Variants in RALYL observed in about 807,000 individuals in gnomAD.
The protein encoded by RALYL is RNA-binding Raly-like protein.
A neutral mutation model predicts 35.1 loss-of-function variants in RALYL; 29 were observed. That is an observed-to-expected ratio of 0.83 (90% CI 0.61 to 1.13). The LOEUF (loss-of-function observed/expected upper bound fraction) is 1.13, where lower values mean the gene tolerates loss of function less well. Ranked by LOEUF, RALYL falls within the 50% of genes most tolerant of loss-of-function variation. The probability of loss-of-function intolerance (pLI) is 0.00; values close to 1 mark genes in which losing one functional copy is unlikely to be tolerated. For missense variants in RALYL, 359 were observed against 360.4 expected, an observed-to-expected ratio of 1.00 and a Z score of 0.03; for synonymous variants, 120 against 127.6, an observed-to-expected ratio of 0.94 and a Z score of 0.40.
rs543923378 is a variant in RALYL at position 84,329,217 on chromosome 8, C to T, written c.-24+144793C>T. 1.0e-3 allele frequency among the ~76,000 whole-genome samples: 156 copies of T among 152,204 alleles called. 3 individuals are homozygous for T. Among genetic ancestry groups the T allele is most frequent in the Admixed American group, 0.01 (154 of 15,270 alleles). ...ACAGTAGCTGACCTAATTTACATTC[C>T]CACCAACAGTATGTAAGCATTTCTT... On this transcript the variant is annotated intron_variant, in intron 1 of 8. Transcript: ENST00000521268.
At chr8:84,784,486 T>C (rs1696520959) in intron 3 of RALYL, among the ~76,000 whole-genome samples, 1 of 152,214 alleles carries the variant, frequency 6.6e-6, no homozygotes, top group South Asian at 2.1e-4. Flanking sequence ...TGTAAAAATG[T>C]ATTTTTCCCT....
chr8:84,764,662 T>C (rs1427062707), intron 2 of RALYL, among the ~76,000 whole-genome samples: 1 of 152,214 alleles, frequency 6.6e-6, no homozygotes, highest in African/African-American at 2.4e-5. Context: ...ATTAGCATTC[T>C]AATAACCAGA....
rs566191145 is a variant in RALYL, at chr8:84,514,848, A to G, written c.-23-14451A>G. ...CCAGTAATAGGTTTTTGCAGGTGCTAGTATTATTAAAGATGAGAAAGTCCT... is the reference window on the plus strand; with the variant it reads ...CCAGTAATAGGTTTTTGCAGGTGCTGGTATTATTAAAGATGAGAAAGTCCT... On this transcript the variant is annotated intron_variant, in intron 1 of 8. Coordinates refer to ENST00000521268, the MANE Select transcript of RALYL (RefSeq NM_173848.7). Among the ~76,000 whole-genome samples the G allele has an allele frequency of 2.1e-4, 27 of 129,708 alleles. No homozygotes were observed. The East Asian group carries it at 3.1e-3, about 15-fold the overall frequency. The allele number at this position is 129,708 out of a possible 152,430, so 85.1% of individuals were successfully genotyped here. A position where few individuals can be genotyped will look rare whatever the true frequency, so the allele number is the denominator to read the frequency against.
At chr8:84,749,730 A>G (rs1313344777) in intron 2 of RALYL, among the ~76,000 whole-genome samples, 1 of 152,208 alleles carries the variant, frequency 6.6e-6, no homozygotes, top group Admixed American at 6.5e-5. Context: ...TAGGGAGACA[A>G]CACATTTATA....
At position 84,735,809 on chromosome 8, in the gene RALYL, C is replaced by CGTGAGAGAGAGAGAGAGA. The variant is rs766504736; in HGVS notation, c.257-38769_257-38768insTGAGAGAGAGAGAGAGAG. Among the ~76,000 whole-genome samples, 92 of 119,116 alleles carry CGTGAGAGAGAGAGAGAGA rather than the reference C, an allele frequency of 7.7e-4. 2 individuals are homozygous for CGTGAGAGAGAGAGAGAGA. Among genetic ancestry groups the CGTGAGAGAGAGAGAGAGA allele is most frequent in the African/African-American group, 2.7e-3 (85 of 31,620 alleles). 78.1% of individuals were successfully genotyped at this position (119,116 alleles called of 152,430 possible). A position where few individuals can be genotyped will look rare whatever the true frequency, so the allele number is the denominator to read the frequency against. On this transcript the variant is annotated intron_variant, in intron 2 of 8. Coordinates refer to ENST00000521268, the MANE Select transcript of RALYL (RefSeq NM_173848.7). ...CCCCATTCCTTAAGATCATCCAAAC[C>CGTGAGAGAGAGAGAGAGA]GCGAGAGAGAGAGAGAGAGAGAGAG... is the stretch of plus-strand genomic sequence containing the variant.
At chr8:84,642,010 G>A (rs1588697301) in intron 2 of RALYL, among the ~76,000 whole-genome samples, 1 of 151,898 alleles carries the variant, frequency 6.6e-6, no homozygotes, top group African/African-American at 2.4e-5. Flanking sequence ...AAAGATTCAT[G>A]TGAATGAAAA....
chr8:84,477,384 A>G (rs2053547172), intron 1 of RALYL, among the ~76,000 whole-genome samples: 1 of 149,814 alleles, frequency 6.7e-6, no homozygotes, highest in Non-Finnish European at 1.5e-5. Flanking sequence ...TATAATGTAC[A>G]TATAAATATA....
intron 1 of RALYL, among the ~76,000 whole-genome samples, chr8:84,399,886 G>A (rs529181889): frequency 2.6e-5 from 4 of 152,294 alleles, no homozygotes; most frequent in African/African-American, 9.6e-5. Flanking sequence ...GGCTCATGCC[G>A]TGGGTGGATC....
intron 1 of RALYL, among the ~76,000 whole-genome samples, chr8:84,297,688 T>C (rs1840022821): frequency 6.6e-6 from 1 of 152,180 alleles, no homozygotes. Context: ...GCATTTCTTT[T>C]TCTCTGCAGC....
At chr8:84,303,194 TG>T (rs1370378412) in intron 1 of RALYL, among the ~76,000 whole-genome samples, 2 of 152,174 alleles carry the variant, frequency 1.3e-5, no homozygotes, top group African/African-American at 4.8e-5. Context: ...GCAGAGCATC[TG>T]GAACATATTA....
At chr8:84,673,236 T>C (rs1321061817) in intron 2 of RALYL, among the ~76,000 whole-genome samples, 2 of 152,214 alleles carry the variant, frequency 1.3e-5, no homozygotes, top group African/African-American at 4.8e-5. Flanking sequence ...TTATTGTAAA[T>C]GTGTTTAAGT....
chr8:84,743,331 T>C (rs144245962), intron 2 of RALYL, among the ~76,000 whole-genome samples: 226 of 152,074 alleles, frequency 1.5e-3, no homozygotes, highest in Non-Finnish European at 2.8e-3. Context: ...CCTTAGGCTT[T>C]CATTTGAAAC....
chr8:84,754,278 A>G (rs1810835705), intron 2 of RALYL, among the ~76,000 whole-genome samples: 1 of 152,118 alleles, frequency 6.6e-6, no homozygotes, highest in Non-Finnish European at 1.5e-5. Context: ...GTGAGAATAG[A>G]CTAATATACC....
chr8:84,606,807 A>G (rs1817240754), intron 2 of RALYL, among the ~76,000 whole-genome samples: 1 of 152,118 alleles, frequency 6.6e-6, no homozygotes, highest in Non-Finnish European at 1.5e-5. Flanking sequence ...AGGGCAATAT[A>G]CCATACATAT....
At chr8:84,522,628 G>T (rs1203085970) in intron 1 of RALYL, among the ~76,000 whole-genome samples, 1 of 152,012 alleles carries the variant, frequency 6.6e-6, no homozygotes, top group Non-Finnish European at 1.5e-5. Context: ...TTTTCAACTG[G>T]ATATGATCAC....
At chr8:84,468,864 G>T (rs371197261) in intron 1 of RALYL, among the ~76,000 whole-genome samples, 1 of 151,652 alleles carries the variant, frequency 6.6e-6, no homozygotes, top group Non-Finnish European at 1.5e-5. Context: ...TTTTTCTCTA[G>T]ACTTCCCTTC....
rs563207887 is a variant in RALYL, at chr8:84,728,233, A to G, written c.257-46346A>G. On this transcript the variant is annotated intron_variant, in intron 2 of 8. Transcript: ENST00000521268. Reference sequence around the variant, plus strand: ...ATTTCTCTGATGGCCAGTGATGGTGAGCATTTTTTCGTGTGTTTTTTGGCT... The same window carrying G: ...ATTTCTCTGATGGCCAGTGATGGTGGGCATTTTTTCGTGTGTTTTTTGGCT... Among the ~76,000 whole-genome samples the G allele has an allele frequency of 7.9e-5, 12 of 152,048 alleles. No homozygotes were observed. In the South Asian group the frequency reaches 2.3e-3, roughly 29 times the overall value.
intron 2 of RALYL, among the ~76,000 whole-genome samples, chr8:84,577,310 G>A (rs1247879568): frequency 6.6e-6 from 1 of 152,224 alleles, no homozygotes; most frequent in Non-Finnish European, 1.5e-5. Flanking sequence ...CTAAATGTCA[G>A]GCTTTTAAGG....
At chr8:84,579,093 G>T (rs1043098701) in intron 2 of RALYL, among the ~76,000 whole-genome samples, 1 of 152,152 alleles carries the variant, frequency 6.6e-6, no homozygotes, top group South Asian at 2.1e-4. Context: ...ATGTGGAAGG[G>T]TGCCTGCAGG....
Sources: allele counts gnomAD v4.1 joint callset (sites outside exome capture counted in the v4.1 genomes callset), GRCh38; gene constraint gnomAD v4.1.1; transcripts MANE v1.5; gene names NCBI Gene and HGNC (gene_info 2026-07-23, HGNC 2026-07-21).